The following PRRC1 variants were observed in gnomAD, a reference collection of about 807,000 sequenced individuals.
PRRC1 encodes the protein protein PRRC1.
In PRRC1, 39 loss-of-function variants were observed where a neutral mutation model predicts 40.7. The observed-to-expected ratio is 0.96, with a 90% CI of 0.74 to 1.25. The LOEUF is 1.25. Ranked by LOEUF, PRRC1 falls within the 50% of genes most tolerant of loss-of-function variation. The pLI is 0.00. For synonymous variants in PRRC1, 175 were observed against 193.3 expected (o/e 0.91, Z 0.79); for missense variants, 573 against 548.3 (o/e 1.05, Z -0.45).
At position 127,533,612 on chromosome 5, in the gene PRRC1, G is replaced by T; in HGVS notation, c.758-11G>T. The T allele has an allele frequency of 6.2e-7, 1 of 1,603,436 alleles. No homozygotes were observed. Among genetic ancestry groups the T allele is most frequent in the Non-Finnish European group, 8.5e-7 (1 of 1,176,178 alleles). On this transcript the variant is annotated splice_polypyrimidine_tract_variant and intron_variant, in intron 5 of 8. Transcript: ENST00000296666. ...TAATTTGAAAGTTAAATTTTCCTCT[G>T]GTCTTTTTAGAATCTGGAGGTGAAC...
chr5:127,552,596 G>GTAAT lies in PRRC1; in HGVS notation c.*681_*684dup, dbSNP rs1768422372. 1.0e-6 allele frequency: 1 copy of GTAAT among 982,104 alleles called. No individual in the cohort carries two copies. The highest frequency in any genetic ancestry group is 1.8e-5 in the African/African-American group (1 of 57,118). 60.8% of individuals were successfully genotyped at this position (982,104 alleles called of 1,614,324 possible). On this transcript the variant is annotated 3_prime_UTR_variant, in exon 9 of 9. Transcript: ENST00000296666. ...CCAGATTTATACTATGAACATTGGG[G>GTAAT]TAATACATTTTATTTTTTCATTGCT...
At chr5:127,534,568 T>C (rs966099411) in intron 6 of PRRC1, among the ~76,000 whole-genome samples, 11 of 152,216 alleles carry the variant, frequency 7.2e-5, no homozygotes, top group African/African-American at 2.2e-4. Flanking sequence ...ACTTGATTTC[T>C]AGGATTCCAC....
intron 5 of PRRC1, among the ~76,000 whole-genome samples, chr5:127,531,922 A>T (rs1201042429): frequency 1.3e-5 from 2 of 152,082 alleles, no homozygotes; most frequent in African/African-American, 4.8e-5. Context: ...ATCAAGAAAA[A>T]TGTGTAACAC....
At chr5:127,518,362 T>G (rs998660294) in intron 1 of PRRC1, among the ~76,000 whole-genome samples, 1 of 152,256 alleles carries the variant, frequency 6.6e-6, no homozygotes, top group Non-Finnish European at 1.5e-5. Context: ...TTGCATTCTC[T>G]CGTTTCTTTG....
Position 127,554,310 on chromosome 5 carries a change from CCT to C in PRRC1, c.*2397_*2398del, listed in dbSNP as rs1266041047. On this transcript the variant is annotated 3_prime_UTR_variant, in exon 9 of 9. Coordinates refer to ENST00000296666, the MANE Select transcript of PRRC1 (RefSeq NM_130809.5). Reference sequence around the variant, plus strand: ...GAGAGTGCTATTTGCTTTTGTTCTCCCTCTGTCTTAGGAAAAGCCATCTTTAA... The same window carrying C: ...GAGAGTGCTATTTGCTTTTGTTCTCCCTGTCTTAGGAAAAGCCATCTTTAA... The C allele has an allele frequency of 2.6e-5, 4 of 153,852 alleles. No individual in the cohort carries two copies. Among genetic ancestry groups the C allele is most frequent in the African/African-American group, 9.7e-5 (4 of 41,448 alleles). 9.5% of individuals were successfully genotyped at this position (153,852 alleles called of 1,614,324 possible). A position where few individuals can be genotyped will look rare whatever the true frequency, so the allele number is the denominator to read the frequency against.
intron 7 of PRRC1, among the ~76,000 whole-genome samples, chr5:127,541,412 T>C (rs1241693598): frequency 6.6e-6 from 1 of 152,104 alleles, no homozygotes; most frequent in Non-Finnish European, 1.5e-5. Flanking sequence ...GAGGATTCCC[T>C]CTTTTTCTAT....
chr5:127,526,921 C>A, intron 4 of PRRC1, 143 bp downstream of exon 4: 1 of 667,742 alleles, frequency 1.5e-6, no homozygotes, highest in Non-Finnish European at 2.4e-6. Flanking sequence ...TGCTCTCAGT[C>A]TCTTGCCTAT....
In PRRC1 at chr5:127,551,835, G is replaced by A. The variant is rs1175125083; in HGVS notation, c.1257G>A (p.Met419Ile). ...ATTGGCACATGGCATTTACTGGGAT[G>A]TCCCGTCGGCAGATGATCTACAGTG... Reference protein sequence around the residue: ...RTDWHMAFTGMSRRQMIYSAA... With the variant: ...RTDWHMAFTGISRRQMIYSAA... Residue 419 changes from methionine to isoleucine, a missense_variant, in exon 9 of 9, where the codon ATG (methionine) becomes ATA (isoleucine). Coordinates refer to ENST00000296666, the MANE Select transcript of PRRC1 (RefSeq NM_130809.5). The A allele has an allele frequency of 1.2e-6, 2 of 1,614,008 alleles. No homozygotes were observed. Among genetic ancestry groups the A allele is most frequent in the African/African-American group, 1.3e-5 (1 of 74,914 alleles).
intron 6 of PRRC1, among the ~76,000 whole-genome samples, chr5:127,535,963 T>C (rs188174381): frequency 1.3e-4 from 20 of 152,274 alleles, no homozygotes; most frequent in African/African-American, 2.4e-4. Context: ...CTTTTACACA[T>C]ATGCATACTC....
chr5:127,537,614 T>C (rs2127104863), intron 6 of PRRC1, among the ~76,000 whole-genome samples: 1 of 152,036 alleles, frequency 6.6e-6, no homozygotes, highest in East Asian at 1.9e-4. Flanking sequence ...ATGAACAAAC[T>C]TAGTCTCTGT....
At position 127,553,292 on chromosome 5, in the gene PRRC1, T is replaced by A. The variant is rs1373526171; in HGVS notation, c.*1376T>A. ...AAGTCATTATTTGGTTTCTGCTATT[T>A]TTTTACCTGAGGATAAGAAGAATGA... On this transcript the variant is annotated 3_prime_UTR_variant, in exon 9 of 9. Transcript: ENST00000296666. 1.1e-5 allele frequency: 11 copies of A among 986,754 alleles called. No homozygotes were observed. Among genetic ancestry groups the A allele is most frequent in the Non-Finnish European group, 1.3e-5 (11 of 830,960 alleles). 61.1% of individuals were successfully genotyped at this position (986,754 alleles called of 1,614,324 possible).
chr5:127,534,336 C>CT (rs1767843740), intron 6 of PRRC1, among the ~76,000 whole-genome samples: 1 of 152,120 alleles, frequency 6.6e-6, no homozygotes, highest in Non-Finnish European at 1.5e-5. Context: ...TCCTCTATAA[C>CT]TTAATGACCT....
At chr5:127,544,132 G>T (rs956124138) in intron 7 of PRRC1, among the ~76,000 whole-genome samples, 1 of 152,208 alleles carries the variant, frequency 6.6e-6, no homozygotes, top group Non-Finnish European at 1.5e-5. Context: ...GTTTGCTAGA[G>T]GTCCACTCCA....
chr5:127,539,455 A>G (rs935758413), intron 7 of PRRC1, among the ~76,000 whole-genome samples: 6 of 152,108 alleles, frequency 3.9e-5, no homozygotes, highest in African/African-American at 7.2e-5. Context: ...AGCAAACACA[A>G]TTATTCTCAT....
At chr5:127,547,993 G>C (rs768799121) in intron 8 of PRRC1, 72 bp downstream of exon 8, 2 of 1,044,396 alleles carry the variant, frequency 1.9e-6, no homozygotes, top group Admixed American at 1.7e-5. Context: ...ATAAAAATTT[G>C]TTCGGTTTTT....
intron 5 of PRRC1, among the ~76,000 whole-genome samples, chr5:127,531,714 C>T (rs1182638044): frequency 6.7e-6 from 1 of 148,472 alleles, no homozygotes; most frequent in Non-Finnish European, 1.5e-5. Flanking sequence ...CCTCTGCCTC[C>T]TGGGTTCAAG....
At chr5:127,526,108 G>C (rs138718895) in intron 3 of PRRC1, among the ~76,000 whole-genome samples, 1 of 152,104 alleles carries the variant, frequency 6.6e-6, no homozygotes, top group African/African-American at 2.4e-5. Context: ...CTCATTTTAG[G>C]GAAAAGCAGT....
chr5:127,541,048 TC>T (rs1383470145), intron 7 of PRRC1, among the ~76,000 whole-genome samples: 2 of 152,234 alleles, frequency 1.3e-5, no homozygotes, highest in African/African-American at 4.8e-5. Flanking sequence ...ATACGTCCCA[TC>T]AGTACCTAAT....
Position 127,552,023 on chromosome 5 carries a change from T to C in PRRC1, c.*107T>C. On this transcript the variant is annotated 3_prime_UTR_variant, in exon 9 of 9. Coordinates refer to ENST00000296666, the MANE Select transcript of PRRC1 (RefSeq NM_130809.5). ...ATAGTCTAAATGAATCCAGTAGTTT[T>C]TATCATTTTCCTGTAGCCTGCAATT... 5 of 1,495,248 alleles carry C rather than the reference T, an allele frequency of 3.3e-6. No individual in the cohort carries two copies. The highest frequency in any genetic ancestry group is 4.5e-6 in the Non-Finnish European group (5 of 1,119,672). The allele number at this position is 1,495,248 out of a possible 1,614,324, so 92.6% of individuals were successfully genotyped here. A position where few individuals can be genotyped will look rare whatever the true frequency, so the allele number is the denominator to read the frequency against.
Sources: gnomAD v4.1 joint callset for allele counts (sites outside exome capture counted in the v4.1 genomes callset) on GRCh38, gnomAD v4.1.1 for gene constraint, MANE v1.5 for transcripts, NCBI Gene and HGNC (gene_info 2026-07-23, HGNC 2026-07-21) for gene names.